The following PDE4D variants were observed in gnomAD, a reference collection of about 807,000 sequenced individuals.
PDE4D encodes the protein 3',5'-cyclic-AMP phosphodiesterase 4D.
Under a neutral mutation model 87.4 loss-of-function variants are expected in PDE4D, and 24 were observed. The ratio of observed to expected loss-of-function variants is 0.27; its 90% CI spans 0.20 to 0.39. The LOEUF (loss-of-function observed/expected upper bound fraction) is 0.39. Among genes scored for constraint, PDE4D ranks in the 10% least tolerant of loss-of-function variants. PDE4D has a pLI of 1.00. For synonymous variants in PDE4D, 384 were observed against 383.2 expected, an observed-to-expected ratio of 1.00 and a Z score of -0.02; for missense variants, 714 against 1,041.0, an observed-to-expected ratio of 0.69 and a Z score of 4.32.
At chr5:59,916,946 C>T (rs1246695179) in intron 3 of PDE4D, among the ~76,000 whole-genome samples, 2 of 147,170 alleles carry the variant, frequency 1.4e-5, no homozygotes, top group Non-Finnish European at 3.0e-5. Flanking sequence ...CACCACCATG[C>T]CCGGCTAATT....
chr5:59,551,860 C>A lies in PDE4D; in HGVS notation c.456-335892G>T, dbSNP rs1218542203. Among the ~76,000 whole-genome samples, 4 of 152,200 alleles carry A rather than the reference C, an allele frequency of 2.6e-5. No homozygotes were observed. In the East Asian group the frequency reaches 7.7e-4, roughly 29 times the overall value. On this transcript the variant is annotated intron_variant, in intron 1 of 14. Transcript: ENST00000340635. ...AATACCAAAAAAACCCTTCTAATTT[C>A]TTATTATTTTCACTCATAAATATAG...
intron 1 of PDE4D, among the ~76,000 whole-genome samples, chr5:60,514,957 T>C (rs1271610669): frequency 3.3e-5 from 5 of 152,134 alleles, no homozygotes; most frequent in Non-Finnish European, 7.4e-5. Flanking sequence ...GCTGAAGTGT[T>C]TCCATTAACC....
At chr5:60,358,690 C>A (rs1759817827) in intron 1 of PDE4D, among the ~76,000 whole-genome samples, 1 of 152,060 alleles carries the variant, frequency 6.6e-6, no homozygotes, top group African/African-American at 2.4e-5. Context: ...TGCCAAAGCC[C>A]CTTAGCAGCA....
At chr5:59,756,826 T>TG (rs1212949813) in intron 1 of PDE4D, among the ~76,000 whole-genome samples, 1 of 150,928 alleles carries the variant, frequency 6.6e-6, no homozygotes, top group African/African-American at 2.4e-5. Context: ...TTTTTTTTTT[T>TG]TTGAAATGGT....
chr5:59,746,832 C>G (rs1049745972), intron 1 of PDE4D, among the ~76,000 whole-genome samples: 1 of 151,988 alleles, frequency 6.6e-6, no homozygotes, highest in African/African-American at 2.4e-5. Context: ...TGTACCTCTG[C>G]CCCTAGTGAA....
At chr5:59,412,925 A>G (rs1398777576) in intron 1 of PDE4D, among the ~76,000 whole-genome samples, 1 of 152,196 alleles carries the variant, frequency 6.6e-6, no homozygotes, top group Non-Finnish European at 1.5e-5. Context: ...AGTTTTCTGT[A>G]TCTTGGCATT....
intron 1 of PDE4D, among the ~76,000 whole-genome samples, chr5:59,274,585 G>A (rs1764450796): frequency 6.6e-6 from 1 of 151,786 alleles, no homozygotes; most frequent in East Asian, 1.9e-4. Context: ...AACAAAATAA[G>A]ACTAACCCCT....
At chr5:59,628,341 A>T (rs1460389735) in intron 1 of PDE4D, among the ~76,000 whole-genome samples, 4 of 152,142 alleles carry the variant, frequency 2.6e-5, no homozygotes, top group Admixed American at 6.6e-5. Flanking sequence ...TTATATCCTC[A>T]TCTATGCTTC....
rs530050055 is a variant in PDE4D at position 60,179,781 on chromosome 5, G to GA, written c.42+5775dup. Among the ~76,000 whole-genome samples, 34 of 151,872 alleles carry GA rather than the reference G, an allele frequency of 2.2e-4. No individual in the cohort carries two copies. In the East Asian group the frequency reaches 2.7e-3, roughly 12 times the overall value. On this transcript the variant is annotated intron_variant, in intron 2 of 16. Transcript: ENST00000502484. ...TCAAAACATTTGCCATTTCAATAGTGAAAAAAAGCTAAACAAAATTTTAAA... is the reference window on the plus strand; with the variant it reads ...TCAAAACATTTGCCATTTCAATAGTGAAAAAAAAGCTAAACAAAATTTTAAA...
chr5:60,439,923 A>C (rs533459528), intron 1 of PDE4D, among the ~76,000 whole-genome samples: 40,330 of 144,566 alleles, frequency 0.28, 6,434 homozygotes, highest in African/African-American at 0.45. Context: ...GTTTAAAAAA[A>C]AAAACAAAAA....
At chr5:59,806,886 C>A (rs1767796929) in intron 1 of PDE4D, among the ~76,000 whole-genome samples, 1 of 152,162 alleles carries the variant, frequency 6.6e-6, no homozygotes, top group Admixed American at 6.5e-5. Flanking sequence ...TGAAAACATG[C>A]AATTTCTTTA....
chr5:59,338,243 C>T (rs1331452702), intron 1 of PDE4D, among the ~76,000 whole-genome samples: 1 of 152,176 alleles, frequency 6.6e-6, no homozygotes, highest in Non-Finnish European at 1.5e-5. Context: ...AACCATAGCC[C>T]TGCTTTATAG....
chr5:59,153,809 T>C (rs1779789609), intron 5 of PDE4D, among the ~76,000 whole-genome samples: 1 of 152,018 alleles, frequency 6.6e-6, no homozygotes, highest in Admixed American at 6.6e-5. Context: ...CCATAATTTT[T>C]AGAGCAATTT....
chr5:60,470,643 A>C (rs1027272416), intron 1 of PDE4D, among the ~76,000 whole-genome samples: 3 of 152,148 alleles, frequency 2.0e-5, no homozygotes, highest in African/African-American at 7.2e-5. Context: ...CAATTCCAAA[A>C]ATCCTTAAGC....
At chr5:59,295,024 A>T (rs1243848279) in intron 1 of PDE4D, among the ~76,000 whole-genome samples, 2 of 152,208 alleles carry the variant, frequency 1.3e-5, no homozygotes, top group African/African-American at 2.4e-5. Flanking sequence ...TACTGATAGA[A>T]AATGATAGGC....
At chr5:59,834,143 A>G (rs1371841018) in intron 1 of PDE4D, among the ~76,000 whole-genome samples, 4 of 152,176 alleles carry the variant, frequency 2.6e-5, no homozygotes, top group Non-Finnish European at 4.4e-5. Flanking sequence ...CTCTCTGTCT[A>G]AGCAAATACA....
chr5:60,097,575 G>A (rs987443874), intron 2 of PDE4D, among the ~76,000 whole-genome samples: 1 of 151,998 alleles, frequency 6.6e-6, no homozygotes, highest in Non-Finnish European at 1.5e-5. Context: ...CTCTATTTGA[G>A]TATCTGAGGT....
intron 2 of PDE4D, among the ~76,000 whole-genome samples, chr5:60,169,953 A>T (rs1186010738): frequency 1.3e-5 from 2 of 151,858 alleles, no homozygotes; most frequent in Admixed American, 1.3e-4. Context: ...AGCCTAAGAA[A>T]CTCAATTTCA....
chr5:60,339,073 A>G (rs1330708116), intron 1 of PDE4D, among the ~76,000 whole-genome samples: 1 of 152,192 alleles, frequency 6.6e-6, no homozygotes, highest in East Asian at 1.9e-4. Context: ...ACCTTTGCAG[A>G]TCAAGGTGCA....
Sources: gnomAD v4.1 joint callset for allele counts (sites outside exome capture counted in the v4.1 genomes callset) on GRCh38, gnomAD v4.1.1 for gene constraint, MANE v1.5 for transcripts, NCBI Gene and HGNC (gene_info 2026-07-23, HGNC 2026-07-21) for gene names.